Variants in AGPS observed in about 807,000 individuals in gnomAD.
AGPS encodes alkylglycerone phosphate synthase.
In AGPS, 26 loss-of-function variants were observed where a neutral mutation model predicts 90.7. The observed-to-expected ratio is 0.29, with a 90% CI of 0.21 to 0.40. The LOEUF (loss-of-function observed/expected upper bound fraction) is 0.40, where lower values mean the gene tolerates loss of function less well. Among genes scored for constraint, AGPS ranks in the 10% least tolerant of loss-of-function variants. The probability of loss-of-function intolerance (pLI) is 1.00; values close to 1 mark genes in which losing one functional copy is unlikely to be tolerated. For synonymous variants in AGPS, 294 were observed against 285.3 expected, an observed-to-expected ratio of 1.03 and a Z score of -0.31; for missense variants, 540 against 816.1, an observed-to-expected ratio of 0.66 and a Z score of 4.12.
At chr2:177,395,423 G>A (rs1040360996) in intron 1 of AGPS, among the ~76,000 whole-genome samples, 1 of 152,200 alleles carries the variant, frequency 6.6e-6, no homozygotes, top group Admixed American at 6.5e-5. Context: ...GGGGTTAGAC[G>A]ACTAGTGGTA....
At position 177,450,964 on chromosome 2, in the gene AGPS, A is replaced by ATATATATATATATATACACATATATG; in HGVS notation, c.870+5349_870+5350insATATACACATATATGTATATATATAT. ...ACGGTTTTCTATGTACATGTCTTTC[A>ATATATATATATATATACACATATATG]TATATATATATTTTAGAGACAAGAT... On this transcript the variant is annotated intron_variant, in intron 8 of 19. Transcript: ENST00000264167. 1.6e-5 allele frequency among the ~76,000 whole-genome samples: 2 copies of ATATATATATATATATACACATATATG among 123,750 alleles called. 1 individual carries two copies. The highest frequency in any genetic ancestry group is 5.3e-4 in the East Asian group (2 of 3,802). 81.2% of individuals were successfully genotyped at this position (123,750 alleles called of 152,430 possible).
chr2:177,420,379 C>T (rs776858949), intron 2 of AGPS, 21 bp downstream of exon 2: 33 of 1,514,272 alleles, frequency 2.2e-5, no homozygotes, highest in Non-Finnish European at 2.9e-5. Context: ...TTTATTTCTT[C>T]TTTTGTTCCT....
rs146103794 is a variant in AGPS at position 177,425,830 on chromosome 2, C to T, written c.350+5472C>T. On this transcript the variant is annotated intron_variant, in intron 2 of 19. Coordinates refer to ENST00000264167, the MANE Select transcript of AGPS (RefSeq NM_003659.4). ...TAGTTGGAACTTGGGTAGTGTGATG[C>T]CTCCAGCTTTGTTCTTTTTGTGTAG... 5.7e-3 allele frequency among the ~76,000 whole-genome samples: 872 copies of T among 152,134 alleles called. 1 individual carries two copies. Among genetic ancestry groups the T allele is most frequent in the Non-Finnish European group, 9.2e-3 (623 of 67,996 alleles).
chr2:177,442,563 G>A (rs1265582475), intron 7 of AGPS, 77 bp downstream of exon 7: 3 of 1,198,194 alleles, frequency 2.5e-6, no homozygotes, highest in Non-Finnish European at 3.6e-6. Flanking sequence ...AAAGAATCTA[G>A]CCACTGGGCG....
intron 19 of AGPS, among the ~76,000 whole-genome samples, chr2:177,530,828 T>C (rs535523204): frequency 1.3e-5 from 2 of 152,352 alleles, no homozygotes; most frequent in African/African-American, 4.8e-5. Flanking sequence ...TTAATCTTCA[T>C]AGTGCTTGTT....
chr2:177,447,336 C>T (rs1468258365), intron 8 of AGPS, among the ~76,000 whole-genome samples: 1 of 152,036 alleles, frequency 6.6e-6, no homozygotes, highest in Non-Finnish European at 1.5e-5. Flanking sequence ...TTTGTTGAGA[C>T]AGTGTTAAAG....
chr2:177,441,163 A>G, intron 6 of AGPS, 127 bp downstream of exon 6: 1 of 859,052 alleles, frequency 1.2e-6, no homozygotes, highest in Non-Finnish European at 1.8e-6. Context: ...TATTCTCAAA[A>G]ATTGGTCAAT....
chr2:177,452,462 A>C (rs999048746), intron 8 of AGPS, among the ~76,000 whole-genome samples: 1 of 152,170 alleles, frequency 6.6e-6, no homozygotes, highest in Non-Finnish European at 1.5e-5. Context: ...CTTTGCTCTG[A>C]AATCTGCTTT....
chr2:177,437,558 G>T (rs1328657709), intron 5 of AGPS, among the ~76,000 whole-genome samples: 1 of 152,112 alleles, frequency 6.6e-6, no homozygotes, highest in Non-Finnish European at 1.5e-5. Context: ...GGGGATGGAT[G>T]AGCTTTCTGT....
At chr2:177,417,628 T>C (rs1685824388) in intron 1 of AGPS, among the ~76,000 whole-genome samples, 1 of 152,264 alleles carries the variant, frequency 6.6e-6, no homozygotes, top group Non-Finnish European at 1.5e-5. Context: ...AGTCAGCCTT[T>C]GGATACTCAC....
intron 16 of AGPS, among the ~76,000 whole-genome samples, chr2:177,511,153 C>T (rs572486479): frequency 9.9e-5 from 15 of 152,206 alleles, no homozygotes; most frequent in African/African-American, 3.1e-4. Context: ...GGCCAGAGTG[C>T]AGTGACGCTT....
intron 3 of AGPS, among the ~76,000 whole-genome samples, chr2:177,435,606 TCAAG>T (rs1686382067): frequency 6.6e-6 from 1 of 152,178 alleles, no homozygotes; most frequent in African/African-American, 2.4e-5. Flanking sequence ...CACTGTTGTA[TCAAG>T]ACCTTGAAGA....
intron 1 of AGPS, among the ~76,000 whole-genome samples, chr2:177,395,277 G>A (rs1023939866): frequency 1.3e-5 from 2 of 152,192 alleles, no homozygotes; most frequent in African/African-American, 4.8e-5. Flanking sequence ...GGCACACCAA[G>A]ATGATGGTTG....
At chr2:177,396,360 A>C (rs1685174101) in intron 1 of AGPS, among the ~76,000 whole-genome samples, 1 of 152,236 alleles carries the variant, frequency 6.6e-6, no homozygotes. Context: ...ATAGCAGTGA[A>C]CAAAAACTCT....
chr2:177,474,332 G>A (rs554182072), intron 10 of AGPS, among the ~76,000 whole-genome samples: 17 of 152,194 alleles, frequency 1.1e-4, no homozygotes, highest in African/African-American at 3.9e-4. Flanking sequence ...ATGCAGACAC[G>A]TTGAAAGGTG....
chr2:177,507,184 TGTTTTTTTC>T lies in AGPS; in HGVS notation c.1546-785_1546-777del, dbSNP rs1688742228. Among the ~76,000 whole-genome samples the T allele has an allele frequency of 2.0e-5, 3 of 152,050 alleles. No individual in the cohort carries two copies. In the South Asian group the frequency reaches 6.2e-4, roughly 32 times the overall value. Reference sequence around the variant, plus strand: ...CAGATCAGTAATTTGGGGATTTTTTTGTTTTTTTCCCCAAACACAGGTGGGTTGAAATGA... The same window carrying T: ...CAGATCAGTAATTTGGGGATTTTTTTCCCAAACACAGGTGGGTTGAAATGA... On this transcript the variant is annotated intron_variant, in intron 15 of 19. Transcript: ENST00000264167.
At chr2:177,532,791 G>A (rs2079149914) in intron 19 of AGPS, among the ~76,000 whole-genome samples, 1 of 152,074 alleles carries the variant, frequency 6.6e-6, no homozygotes, top group Admixed American at 6.6e-5. Context: ...ATACTACTCA[G>A]CAATAAATAA....
intron 17 of AGPS, 122 bp downstream of exon 17, chr2:177,514,030 C>A: frequency 1.3e-6 from 1 of 744,750 alleles, no homozygotes; most frequent in Non-Finnish European, 2.3e-6. Flanking sequence ...GGCCAGCTTT[C>A]CTAACCTTCA....
At chr2:177,461,769 T>C in intron 8 of AGPS, 124 bp from the exon 9 acceptor site, 1 of 754,488 alleles carries the variant, frequency 1.3e-6, no homozygotes, top group Non-Finnish European at 2.0e-6. Context: ...TTTTTTGCTA[T>C]GTAGGAATTA....
Sources: gnomAD v4.1 joint callset for allele counts (sites outside exome capture counted in the v4.1 genomes callset) on GRCh38, gnomAD v4.1.1 for gene constraint, MANE v1.5 for transcripts, NCBI Gene and HGNC (gene_info 2026-07-23, HGNC 2026-07-21) for gene names.